The following PPP2R2B variants were observed in gnomAD, a reference collection of about 807,000 sequenced individuals.
The protein encoded by PPP2R2B is protein phosphatase 2 regulatory subunit Bbeta, also known as serine/threonine-protein phosphatase 2A 55 kDa regulatory subunit B beta isoform.
In PPP2R2B, 5 loss-of-function variants were observed where a neutral mutation model predicts 46.0. That is an observed-to-expected ratio of 0.11 (90% CI 0.06 to 0.23). PPP2R2B has a LOEUF of 0.23. Among genes scored for constraint, PPP2R2B ranks in the 10% least tolerant of loss-of-function variants. The pLI is 1.00. For missense variants in PPP2R2B, 367 were observed against 575.0 expected (o/e 0.64, Z 3.70); for synonymous variants, 215 against 206.7 (o/e 1.04, Z -0.34).
At chr5:146,671,952 A>G (rs954126158) in intron 5 of PPP2R2B, among the ~76,000 whole-genome samples, 2 of 152,244 alleles carry the variant, frequency 1.3e-5, no homozygotes, top group African/African-American at 4.8e-5. Context: ...AAGTTAAACG[A>G]TAAGCAAAAC....
At chr5:147,010,128 A>G (rs981930070) in intron 1 of PPP2R2B, among the ~76,000 whole-genome samples, 16 of 152,194 alleles carry the variant, frequency 1.1e-4, no homozygotes, top group African/African-American at 3.9e-4. Context: ...TAAAAGGGCT[A>G]TAAATATGGT....
intron 2 of PPP2R2B, among the ~76,000 whole-genome samples, chr5:146,877,654 T>C (rs925667861): frequency 4.0e-5 from 6 of 151,816 alleles, no homozygotes; most frequent in Non-Finnish European, 8.8e-5. Flanking sequence ...ACTGGGCCCC[T>C]CCCTTCTTAT....
At position 146,774,001 on chromosome 5, in the gene PPP2R2B, A is replaced by G. The variant is rs547554374; in HGVS notation, c.71-72859T>C. On this transcript the variant is annotated intron_variant, in intron 2 of 9. Transcript: ENST00000394411. ...TGTCAGCCACAGAAGGAAATAAAAT[A>G]TCTTAGTATCCATAAGCAAAACAAG... 1.6e-3 allele frequency among the ~76,000 whole-genome samples: 247 copies of G among 152,322 alleles called. 1 individual carries two copies. Among genetic ancestry groups the G allele is most frequent in the African/African-American group, 5.4e-3 (223 of 41,580 alleles).
Position 146,589,124 on chromosome 5 carries a change from G to A in PPP2R2B, c.*823C>T, listed in dbSNP as rs567378144. 6 of 152,272 alleles carry A rather than the reference G, an allele frequency of 3.9e-5. No individual in the cohort carries two copies. The South Asian group carries it at 1.2e-3, about 32-fold the overall frequency. 9.4% of individuals were successfully genotyped at this position (152,272 alleles called of 1,614,324 possible). On this transcript the variant is annotated 3_prime_UTR_variant, in exon 10 of 10. Coordinates refer to ENST00000394411, the MANE Select transcript of PPP2R2B (RefSeq NM_181675.4). ...AAAGGTTGAAGAGAAAAAAGCCAAG[G>A]AACATGTAAGTAGAAGATTATATGG... is the stretch of plus-strand genomic sequence containing the variant.
At chr5:146,756,127 G>A (rs1304247394) in intron 2 of PPP2R2B, among the ~76,000 whole-genome samples, 2 of 152,156 alleles carry the variant, frequency 1.3e-5, no homozygotes, top group Non-Finnish European at 2.9e-5. Flanking sequence ...CTTGACTACT[G>A]AGTAGATTTA....
chr5:146,631,962 GC>G (rs1375168960), intron 7 of PPP2R2B, among the ~76,000 whole-genome samples: 1 of 152,058 alleles, frequency 6.6e-6, no homozygotes, highest in Non-Finnish European at 1.5e-5. Context: ...CAGGCTTCTG[GC>G]GGCAATGAGG....
At chr5:147,065,356 A>G (rs1389116880) in intron 2 of PPP2R2B, among the ~76,000 whole-genome samples, 5 of 152,146 alleles carry the variant, frequency 3.3e-5, no homozygotes, top group Non-Finnish European at 7.4e-5. Context: ...GTATGTGTGT[A>G]GTGCTGGAGG....
chr5:146,595,599 T>G (rs758119460), intron 8 of PPP2R2B, among the ~76,000 whole-genome samples: 5 of 152,206 alleles, frequency 3.3e-5, no homozygotes, highest in Non-Finnish European at 5.9e-5. Context: ...TCTGGGTAGC[T>G]CCTATCTGCC....
chr5:146,859,163 T>C (rs942212217), intron 2 of PPP2R2B, among the ~76,000 whole-genome samples: 8 of 152,110 alleles, frequency 5.3e-5, no homozygotes, highest in Non-Finnish European at 8.8e-5. Context: ...CATAGACAAG[T>C]TGATTAACTC....
At chr5:146,788,086 C>A (rs192540954) in intron 2 of PPP2R2B, among the ~76,000 whole-genome samples, 1 of 152,236 alleles carries the variant, frequency 6.6e-6, no homozygotes, top group East Asian at 1.9e-4. Flanking sequence ...GAGAATCCCT[C>A]CCTCTGCCTC....
At chr5:146,884,062 TA>T (rs929444505) in intron 1 of PPP2R2B, among the ~76,000 whole-genome samples, 4 of 143,522 alleles carry the variant, frequency 2.8e-5, no homozygotes, top group African/African-American at 5.1e-5. Flanking sequence ...CACAGAAAAT[TA>T]AAAAAAAACA....
chr5:147,010,652 T>C (rs1402526930), intron 1 of PPP2R2B, among the ~76,000 whole-genome samples: 2 of 152,160 alleles, frequency 1.3e-5, no homozygotes, highest in Admixed American at 6.5e-5. Context: ...GGGGTACAAC[T>C]GTAAATACAG....
intron 2 of PPP2R2B, among the ~76,000 whole-genome samples, chr5:146,828,260 T>TA (rs1184103515): frequency 2.9e-4 from 43 of 150,396 alleles, no homozygotes; most frequent in South Asian, 4.2e-4. Flanking sequence ...TTTACTTTTT[T>TA]TAAAAAAAAA....
chr5:147,064,061 G>A (rs979054788), intron 2 of PPP2R2B, among the ~76,000 whole-genome samples: 5 of 152,186 alleles, frequency 3.3e-5, no homozygotes, highest in Admixed American at 6.5e-5. Context: ...TCCCCTGGGC[G>A]TGTCACACTG....
intron 1 of PPP2R2B, among the ~76,000 whole-genome samples, chr5:147,015,225 C>T (rs1242858292): frequency 6.7e-6 from 1 of 149,008 alleles, no homozygotes; most frequent in Non-Finnish European, 1.5e-5. Context: ...CCCTCCTTTC[C>T]CCAATTTTAT....
intron 1 of PPP2R2B, among the ~76,000 whole-genome samples, chr5:146,983,716 A>G (rs2151856918): frequency 6.6e-6 from 1 of 152,268 alleles, no homozygotes; most frequent in South Asian, 2.1e-4. Context: ...CAATTGTTAA[A>G]TATAATTTAG....
At chr5:146,602,021 T>TC in intron 7 of PPP2R2B, among the ~76,000 whole-genome samples, 1 of 152,314 alleles carries the variant, frequency 6.6e-6, no homozygotes, top group South Asian at 2.1e-4. Flanking sequence ...TCTCGATATT[T>TC]CCCACTTCTA....
chr5:146,771,741 G>A (rs76001284), intron 2 of PPP2R2B, among the ~76,000 whole-genome samples: 2,515 of 152,156 alleles, frequency 0.017, 79 homozygotes, highest in African/African-American at 0.058. Flanking sequence ...ATTTTTCTTC[G>A]GTATATAGCT....
At chr5:146,861,937 T>C (rs1276506842) in intron 2 of PPP2R2B, among the ~76,000 whole-genome samples, 1 of 152,088 alleles carries the variant, frequency 6.6e-6, no homozygotes, top group Non-Finnish European at 1.5e-5. Flanking sequence ...TTCTTATTGA[T>C]ATTATCATGT....
Sources: allele counts gnomAD v4.1 joint callset (sites outside exome capture counted in the v4.1 genomes callset), GRCh38; gene constraint gnomAD v4.1.1; transcripts MANE v1.5; gene names NCBI Gene and HGNC (gene_info 2026-07-23, HGNC 2026-07-21).